SPATA9: variants seen among roughly 807,000 people sequenced by gnomAD.
The protein encoded by SPATA9 is spermatogenesis-associated protein 9.
In SPATA9, 27 loss-of-function variants were observed where a neutral mutation model predicts 25.5. The observed-to-expected ratio is 1.06, with a 90% CI of 0.78 to 1.46. The LOEUF (loss-of-function observed/expected upper bound fraction) is 1.46, where lower values mean the gene tolerates loss of function less well. Ranked by LOEUF, SPATA9 falls within the 40% of genes most tolerant of loss-of-function variation. The pLI is 0.00. For missense variants in SPATA9, 282 were observed against 297.5 expected (o/e 0.95, Z 0.38); for synonymous variants, 102 against 105.7 (o/e 0.97, Z 0.21).
intron 4 of SPATA9, among the ~76,000 whole-genome samples, chr5:95,662,076 G>A (rs1751319491): frequency 6.6e-6 from 1 of 152,006 alleles, no homozygotes; most frequent in African/African-American, 2.4e-5. Context: ...TACAAGAATA[G>A]ACAAATAGAC....
chr5:95,662,239 C>A (rs1751335256), intron 4 of SPATA9, among the ~76,000 whole-genome samples: 4 of 151,982 alleles, frequency 2.6e-5, no homozygotes, highest in African/African-American at 9.7e-5. Context: ...TTGACTCTTA[C>A]CTCATATTAG....
chr5:95,675,606 T>A lies in SPATA9; in HGVS notation c.184A>T (p.Arg62Trp). The change falls in exon 3 of 5, where the codon AGG (arginine) becomes TGG (tryptophan). Residue 62 changes from arginine to tryptophan, a missense_variant. Coordinates refer to ENST00000274432, the MANE Select transcript of SPATA9 (RefSeq NM_031952.4). The stretch of plus-strand genomic sequence containing the variant: ...ATCTTAGCTAAAGCAATAGCCATCC[T>A]GATTTTGGATGTTTTCTGCGCAGGT... ...REPAQKTSKI[R>W]MAIALAKINR... 2 of 1,614,160 alleles carry A rather than the reference T, an allele frequency of 1.2e-6. No homozygotes were observed. The highest frequency in any genetic ancestry group is 1.7e-6 in the Non-Finnish European group (2 of 1,180,016).
downstream of SPATA9, chr5:95,655,354 A>G (rs1442627355): frequency 6.6e-6 from 1 of 152,200 alleles, no homozygotes; most frequent in Non-Finnish European, 1.5e-5. Flanking sequence ...TAATAGTTCC[A>G]TAGAATTTTC....
upstream of SPATA9, among the ~76,000 whole-genome samples, chr5:95,686,267 A>T (rs138834776): frequency 9.2e-5 from 14 of 152,350 alleles, no homozygotes; most frequent in Admixed American, 1.3e-4. Context: ...ACTATGGAAA[A>T]GTTTCTGTTC....
At chr5:95,720,124 T>C in the SPATA9 span, among the ~76,000 whole-genome samples, 2 of 152,214 alleles carry the variant, frequency 1.3e-5, no homozygotes, top group Admixed American at 1.3e-4. Context: ...GTGCATTGGA[T>C]TGAGACAAAC....
chr5:95,708,774 G>A, the SPATA9 span: 4 of 615,976 alleles, frequency 6.5e-6, no homozygotes, highest in East Asian at 2.9e-5. Flanking sequence ...CACATAGATC[G>A]ACTGCAAAGG....
chr5:95,713,298 G>T, the SPATA9 span, among the ~76,000 whole-genome samples: 235 of 151,728 alleles, frequency 1.5e-3, 1 homozygote, highest in Non-Finnish European at 2.2e-3. Context: ...GTTTGGATTT[G>T]TGTCCCCACC....
At chr5:95,654,092 GAAA>G, downstream of SPATA9, 1 of 1,611,596 alleles carries the variant, frequency 6.2e-7, no homozygotes, top group Non-Finnish European at 8.5e-7. Flanking sequence ...ACAAGATCCT[GAAA>G]AGAGGGAATA....
chr5:95,701,025 G>A (rs569112086), upstream of SPATA9, among the ~76,000 whole-genome samples: 1 of 152,086 alleles, frequency 6.6e-6, no homozygotes, highest in Admixed American at 6.5e-5. Context: ...AAACATTATA[G>A]CAAAGGCCAC....
At chr5:95,686,127 C>T (rs548180450), upstream of SPATA9, among the ~76,000 whole-genome samples, 3 of 152,074 alleles carry the variant, frequency 2.0e-5, no homozygotes, top group Non-Finnish European at 2.9e-5. Context: ...CGTGAGCCAC[C>T]GTGCCCAGTC....
At chr5:95,662,489 G>A (rs193185882) in intron 4 of SPATA9, among the ~76,000 whole-genome samples, 260 of 152,144 alleles carry the variant, frequency 1.7e-3, no homozygotes, top group African/African-American at 6.0e-3. Flanking sequence ...TGGGCTCAAG[G>A]TATCCTCCTG....
intron 1 of SPATA9, among the ~76,000 whole-genome samples, chr5:95,692,404 C>T (rs539483324): frequency 2.6e-5 from 4 of 151,932 alleles, no homozygotes; most frequent in Non-Finnish European, 4.4e-5. Flanking sequence ...ATTTGGGGAC[C>T]GGTTTTGGTG....
At chr5:95,710,927 T>A in the SPATA9 span, among the ~76,000 whole-genome samples, 1 of 152,022 alleles carries the variant, frequency 6.6e-6, no homozygotes, top group African/African-American at 2.4e-5. Context: ...GTTTTTGGAG[T>A]TTTCTTTTAA....
chr5:95,721,262 A>G, the SPATA9 span, among the ~76,000 whole-genome samples: 1 of 152,178 alleles, frequency 6.6e-6, no homozygotes, highest in African/African-American at 2.4e-5. Flanking sequence ...TGCCACTGAA[A>G]TTAGTCCAGA....
chr5:95,654,364 A>G (rs1750590066), downstream of SPATA9: 1 of 1,589,336 alleles, frequency 6.3e-7, no homozygotes, highest in Non-Finnish European at 8.6e-7. Context: ...TGGGAGATAT[A>G]GAGGTATGTA....
chr5:95,688,443 G>A (rs539734272), intron 1 of SPATA9, among the ~76,000 whole-genome samples: 1 of 152,130 alleles, frequency 6.6e-6, no homozygotes, highest in East Asian at 1.9e-4. Context: ...ATAGAGATGG[G>A]GTCTGGCTAT....
At chr5:95,712,752 G>A in the SPATA9 span, among the ~76,000 whole-genome samples, 1 of 152,176 alleles carries the variant, frequency 6.6e-6, no homozygotes, top group Non-Finnish European at 1.5e-5. Flanking sequence ...TTCCTATTGT[G>A]TTCTGTCTAA....
intron 3 of SPATA9, chr5:95,674,921 G>A (rs1321169559): frequency 1.7e-5 from 6 of 354,830 alleles, no homozygotes; most frequent in African/African-American, 6.5e-5. Context: ...TCTGTGCCAC[G>A]AAGTTTAGAA....
At chr5:95,705,257 A>G in the SPATA9 span, among the ~76,000 whole-genome samples, 1 of 152,132 alleles carries the variant, frequency 6.6e-6, no homozygotes, top group Non-Finnish European at 1.5e-5. Context: ...GTGAGCCACC[A>G]TGCCTAGCCA....
Sources: allele counts gnomAD v4.1 joint callset (sites outside exome capture counted in the v4.1 genomes callset), GRCh38; gene constraint gnomAD v4.1.1; transcripts MANE v1.5; gene names NCBI Gene and HGNC (gene_info 2026-07-23, HGNC 2026-07-21).